The following MED26 variants were observed in gnomAD, a reference collection of about 807,000 sequenced individuals.
MED26 encodes mediator complex subunit 26, also known as mediator of RNA polymerase II transcription subunit 26.
A neutral mutation model predicts 43.7 loss-of-function variants in MED26; 7 were observed. That is an observed-to-expected ratio of 0.16 (90% confidence interval 0.09 to 0.30). The LOEUF (loss-of-function observed/expected upper bound fraction) is 0.30. MED26 is among the 10% of genes least tolerant of loss of function. MED26 has a pLI of 1.00. For missense variants in MED26, 784 were observed against 840.6 expected (o/e 0.93, Z 0.83); for synonymous variants, 375 against 371.1 (o/e 1.01, Z -0.12).
At chr19:16,604,382 T>C (rs2086163115) in intron 1 of MED26, among the ~76,000 whole-genome samples, 1 of 152,248 alleles carries the variant, frequency 6.6e-6, no homozygotes, top group Non-Finnish European at 1.5e-5. Context: ...AGGAGGCCTT[T>C]AGCTGTAACT....
intron 1 of MED26, chr19:16,597,560 T>C (rs2086126656): frequency 5.0e-6 from 2 of 397,940 alleles, no homozygotes; most frequent in Admixed American, 4.4e-5. Context: ...CATCGGAAAA[T>C]ATGAAAGGAG....
At chr19:16,617,230 G>T (rs73006543) in intron 1 of MED26, among the ~76,000 whole-genome samples, 9,534 of 152,154 alleles carry the variant, frequency 0.063, 401 homozygotes, top group Middle Eastern at 0.099. Context: ...AACTACACCA[G>T]AACACCTAAC....
intron 1 of MED26, among the ~76,000 whole-genome samples, chr19:16,597,622 GCA>G (rs2086127284): frequency 6.6e-6 from 1 of 152,206 alleles, no homozygotes; most frequent in African/African-American, 2.4e-5. Flanking sequence ...GTTCCCAGCA[GCA>G]CACAGAGGTG....
intron 1 of MED26, among the ~76,000 whole-genome samples, chr19:16,608,122 G>A (rs570511039): frequency 1.3e-5 from 2 of 152,334 alleles, no homozygotes; most frequent in Admixed American, 6.5e-5. Context: ...CTGGGGCCGC[G>A]AGCCTTCAGC....
At chr19:16,591,043 AAAATAAAAT>A (rs1568282911) in intron 1 of MED26, among the ~76,000 whole-genome samples, 2 of 127,172 alleles carry the variant, frequency 1.6e-5, no homozygotes, top group African/African-American at 6.2e-5. Context: ...TTCTCAAAAT[AAAATAAAAT>A]AAATAAATAA....
chr19:16,625,663 C>G (rs1161584596), intron 1 of MED26, among the ~76,000 whole-genome samples: 1 of 152,088 alleles, frequency 6.6e-6, no homozygotes, highest in Non-Finnish European at 1.5e-5. Context: ...GCTGGAGCCA[C>G]CTGCTCTCAC....
At position 16,610,071 on chromosome 19, in the gene MED26, G is replaced by C. The variant is rs867709005; in HGVS notation, c.72+17801C>G. ...GCGGCCAGGAGTTCAAGACCAGCCT[G>C]GGCAACACAGCGAGACCGTCTCTAT... is the stretch of plus-strand genomic sequence containing the variant. On this transcript the variant is annotated intron_variant, in intron 1 of 2. Coordinates refer to ENST00000263390, the MANE Select transcript of MED26 (RefSeq NM_004831.5). Among the ~76,000 whole-genome samples, 3 of 151,456 alleles carry C rather than the reference G, an allele frequency of 2.0e-5. No homozygotes were observed. The South Asian group carries it at 6.3e-4, about 32-fold the overall frequency.
At chr19:16,625,707 C>T (rs547617587) in intron 1 of MED26, among the ~76,000 whole-genome samples, 8 of 152,320 alleles carry the variant, frequency 5.3e-5, no homozygotes, top group African/African-American at 7.2e-5. Flanking sequence ...AAACTGCAGA[C>T]GCACTGACAT....
At chr19:16,601,447 G>A (rs1599340807) in intron 1 of MED26, among the ~76,000 whole-genome samples, 1 of 152,140 alleles carries the variant, frequency 6.6e-6, no homozygotes, top group Non-Finnish European at 1.5e-5. Flanking sequence ...GTGCCACCGC[G>A]CCCGGCCTAA....
At position 16,575,075 on chromosome 19, in the gene MED26, CAAAT is replaced by C. The variant is rs1261443600; in HGVS notation, c.*948_*951del. Reference sequence around the variant, plus strand: ...TTGTTTTTGCAAATCGCGTTTATGACAAATAACCATAAGGCAAACGAATCTAAAG... The same window carrying C: ...TTGTTTTTGCAAATCGCGTTTATGACAACCATAAGGCAAACGAATCTAAAG... On this transcript the variant is annotated 3_prime_UTR_variant, in exon 3 of 3. Coordinates refer to ENST00000263390, the MANE Select transcript of MED26 (RefSeq NM_004831.5). 2.6e-5 allele frequency: 4 copies of C among 152,538 alleles called. No homozygotes were observed. Among genetic ancestry groups the C allele is most frequent in the South Asian group, 2.1e-4 (1 of 4,824 alleles). 9.4% of individuals were successfully genotyped at this position (152,538 alleles called of 1,614,324 possible).
chr19:16,619,830 C>T (rs2086243435), intron 1 of MED26, among the ~76,000 whole-genome samples: 1 of 152,234 alleles, frequency 6.6e-6, no homozygotes, highest in Admixed American at 6.5e-5. Context: ...GGCTGACCCA[C>T]CACCAGGGTG....
intron 1 of MED26, among the ~76,000 whole-genome samples, chr19:16,581,025 T>C (rs1599331490): frequency 6.6e-6 from 1 of 152,326 alleles, no homozygotes; most frequent in East Asian, 1.9e-4. Flanking sequence ...TCATGGATTC[T>C]GGCTTTTCTA....
chr19:16,607,692 C>T (rs182135389), intron 1 of MED26, among the ~76,000 whole-genome samples: 1 of 152,306 alleles, frequency 6.6e-6, no homozygotes, highest in East Asian at 1.9e-4. Flanking sequence ...CACATGCAAC[C>T]CAACACAAAT....
chr19:16,616,530 A>C (rs796547582), intron 1 of MED26, among the ~76,000 whole-genome samples: 1 of 152,338 alleles, frequency 6.6e-6, no homozygotes, highest in African/African-American at 2.4e-5. Context: ...GCTTGCAGGA[A>C]GAAGGACTCC....
intron 1 of MED26, among the ~76,000 whole-genome samples, chr19:16,627,515 G>C (rs1176984377): frequency 6.6e-6 from 1 of 152,258 alleles, no homozygotes; most frequent in African/African-American, 2.4e-5. Context: ...CGCTCCGGGA[G>C]GGCTTCCCGG....
intron 1 of MED26, among the ~76,000 whole-genome samples, chr19:16,580,241 C>A (rs187636569): frequency 1.3e-5 from 2 of 152,338 alleles, no homozygotes; most frequent in Admixed American, 1.3e-4. Context: ...AACTTAGCAT[C>A]TTACACAGCA....
intron 1 of MED26, among the ~76,000 whole-genome samples, chr19:16,610,178 T>C (rs1269900486): frequency 1.3e-5 from 2 of 151,978 alleles, no homozygotes; most frequent in Admixed American, 1.3e-4. Flanking sequence ...GAGGATCCCT[T>C]GAGCCCAGTA....
At chr19:16,624,012 A>ACT (rs1229108487) in intron 1 of MED26, among the ~76,000 whole-genome samples, 1 of 151,992 alleles carries the variant, frequency 6.6e-6, no homozygotes, top group African/African-American at 2.4e-5. Context: ...GAGAAGCAGA[A>ACT]CTCTCTGACA....
chr19:16,577,143 G>A lies in MED26; in HGVS notation c.687C>T (p.His229=). The change falls in exon 3 of 3, where the codon CAC becomes CAT. Residue 229 remains histidine (H), a synonymous_variant. Transcript: ENST00000263390. This position sits in a 1 kb window ranked among gnomAD's most constrained non-coding sequence, Gnocchi z 8.1. ...GKIPVNAVRP[H]TSSPGLGKPP... is the part of the protein sequence containing the mutation. ...GCTTGCCCAGGCCCGGGGAGCTGGT[G>A]TGCGGTCGCACGGCGTTGACGGGGA... 4 of 1,613,358 alleles carry A rather than the reference G, an allele frequency of 2.5e-6. No homozygotes were observed. The highest frequency in any genetic ancestry group is 3.4e-6 in the Non-Finnish European group (4 of 1,179,928).
Sources: gnomAD v4.1 joint callset for allele counts (sites outside exome capture counted in the v4.1 genomes callset) on GRCh38, gnomAD v4.1.1 for gene constraint, Gnocchi (gnomAD v3.1) non-coding constraint, MANE v1.5 for transcripts, NCBI Gene and HGNC (gene_info 2026-07-23, HGNC 2026-07-21) for gene names.